Variants in FGGY observed in about 807,000 individuals in gnomAD.
FGGY encodes the protein FGGY carbohydrate kinase domain containing, also known as FGGY carbohydrate kinase domain-containing protein.
Under a neutral mutation model 71.3 loss-of-function variants are expected in FGGY, and 72 were observed. The observed-to-expected ratio is 1.01, with a 90% CI of 0.84 to 1.23. The LOEUF is 1.23. Among genes scored for constraint, FGGY ranks in the 50% most tolerant of loss-of-function variants. FGGY has a pLI of 0.00. For missense variants in FGGY, 668 were observed against 682.3 expected (o/e 0.98, Z 0.23); for synonymous variants, 251 against 250.3 (o/e 1.00, Z -0.02).
At chr1:59,471,991 G>C (rs995107983) in intron 6 of FGGY, among the ~76,000 whole-genome samples, 3 of 152,240 alleles carry the variant, frequency 2.0e-5, no homozygotes, top group Non-Finnish European at 4.4e-5. Context: ...GCCCTCGCTC[G>C]CTCTCCGCGC....
intron 14 of FGGY, among the ~76,000 whole-genome samples, chr1:59,705,021 A>G (rs1453403093): frequency 6.6e-6 from 1 of 152,196 alleles, no homozygotes; most frequent in Non-Finnish European, 1.5e-5. Context: ...CATTACTAGT[A>G]AGAATGAACA....
chr1:59,326,460 A>G (rs1439217199), intron 2 of FGGY, among the ~76,000 whole-genome samples: 1 of 152,138 alleles, frequency 6.6e-6, no homozygotes, highest in Non-Finnish European at 1.5e-5. Flanking sequence ...CTTCATTTTC[A>G]TTTGATTGCT....
At position 59,297,634 on chromosome 1, in the gene FGGY, A is replaced by G. The variant is rs567271950; in HGVS notation, c.-15+484A>G. On this transcript the variant is annotated intron_variant, in intron 1 of 15. Transcript: ENST00000303721. The stretch of plus-strand genomic sequence containing the variant: ...TCAGGAGATCGAGACCATCCAGGCT[A>G]ACACGGTGAAACCCCCGTCTCTACT... Among the ~76,000 whole-genome samples the G allele has an allele frequency of 1.6e-4, 25 of 152,088 alleles. No homozygotes were observed. In the South Asian group the frequency reaches 4.6e-3, roughly 28 times the overall value.
At chr1:59,468,861 G>C (rs984837267) in intron 6 of FGGY, among the ~76,000 whole-genome samples, 15 of 135,792 alleles carry the variant, frequency 1.1e-4, no homozygotes, top group Non-Finnish European at 2.1e-4. Context: ...CACTGAGCAA[G>C]ACTCTGTCTT....
intron 1 of FGGY, among the ~76,000 whole-genome samples, chr1:59,302,098 T>TC (rs1317525745): frequency 6.6e-6 from 1 of 152,110 alleles, no homozygotes; most frequent in African/African-American, 2.4e-5. Context: ...GGTTTTTTTT[T>TC]CCAATGTTAA....
At position 59,663,109 on chromosome 1, in the gene FGGY, G is replaced by A. The variant is rs116414163; in HGVS notation, c.1296+2816G>A. ...ATGACAGTTACCTTTCGTCAGACAC[G>A]ACTGTGTGCCAGGCACCAAAGACGG... On this transcript the variant is annotated intron_variant, in intron 12 of 15. Coordinates refer to ENST00000303721, the MANE Select transcript of FGGY (RefSeq NM_018291.5). 2.4e-3 allele frequency among the ~76,000 whole-genome samples: 363 copies of A among 152,306 alleles called. 1 individual carries two copies. Among genetic ancestry groups the A allele is most frequent in the African/African-American group, 7.8e-3 (325 of 41,568 alleles).
chr1:59,757,827 T>A lies in FGGY; in HGVS notation c.1513-104T>A, dbSNP rs147947647. ...GAAAAAAAAGAGGACTAACCAAATATCTTAAAGGGAAGCAAATTCAAATTA... is the reference window on the plus strand; with the variant it reads ...GAAAAAAAAGAGGACTAACCAAATAACTTAAAGGGAAGCAAATTCAAATTA... On this transcript the variant is annotated intron_variant, in intron 14 of 15. Coordinates refer to ENST00000303721, the MANE Select transcript of FGGY (RefSeq NM_018291.5). 233 of 738,796 alleles carry A rather than the reference T, an allele frequency of 3.2e-4. No individual in the cohort carries two copies. In the East Asian group the frequency reaches 6.0e-3, roughly 19 times the overall value. 45.8% of individuals were successfully genotyped at this position (738,796 alleles called of 1,614,324 possible). A position where few individuals can be genotyped will look rare whatever the true frequency, so the allele number is the denominator to read the frequency against.
intron 7 of FGGY, among the ~76,000 whole-genome samples, chr1:59,531,236 A>G (rs2095134636): frequency 6.6e-6 from 1 of 152,156 alleles, no homozygotes. Context: ...ACTTTTTTAT[A>G]TAGGTGTGAA....
intron 13 of FGGY, chr1:59,673,533 GA>G (rs2097402066): frequency 6.5e-6 from 1 of 154,680 alleles, no homozygotes; most frequent in Non-Finnish European, 1.4e-5. Context: ...TGAGAGAGGG[GA>G]GAAGCCCCTG....
intron 14 of FGGY, among the ~76,000 whole-genome samples, chr1:59,726,572 G>A (rs1342753929): frequency 6.6e-6 from 1 of 152,024 alleles, no homozygotes; most frequent in Non-Finnish European, 1.5e-5. Context: ...TTTGGTTTTT[G>A]GAAGGTAATT....
chr1:59,750,154 C>G (rs1281869546), intron 14 of FGGY, among the ~76,000 whole-genome samples: 1 of 152,086 alleles, frequency 6.6e-6, no homozygotes, highest in Non-Finnish European at 1.5e-5. Context: ...AACCCCAAGC[C>G]CATTTATCTC....
intron 8 of FGGY, among the ~76,000 whole-genome samples, chr1:59,594,702 G>A (rs1004487740): frequency 6.6e-6 from 1 of 152,234 alleles, no homozygotes; most frequent in African/African-American, 2.4e-5. Context: ...TGCCCTGCAG[G>A]TGAGAGCCAA....
At chr1:59,536,298 A>G (rs898953880) in intron 7 of FGGY, among the ~76,000 whole-genome samples, 3 of 152,208 alleles carry the variant, frequency 2.0e-5, no homozygotes, top group African/African-American at 4.8e-5. Flanking sequence ...GAATCTCTGA[A>G]TAGACCAATA....
At chr1:59,365,599 G>A (rs1189756472) in intron 4 of FGGY, among the ~76,000 whole-genome samples, 1 of 152,188 alleles carries the variant, frequency 6.6e-6, no homozygotes, top group Non-Finnish European at 1.5e-5. Flanking sequence ...ATTGGGCTGG[G>A]CATTAGCGAT....
intron 14 of FGGY, among the ~76,000 whole-genome samples, chr1:59,718,939 C>T (rs978146645): frequency 2.0e-5 from 3 of 152,224 alleles, no homozygotes; most frequent in Non-Finnish European, 2.9e-5. Flanking sequence ...GCACCCAGGA[C>T]CACTTCACCA....
intron 1 of FGGY, among the ~76,000 whole-genome samples, chr1:59,306,662 A>T (rs1397850414): frequency 6.6e-6 from 1 of 152,196 alleles, no homozygotes. Flanking sequence ...GCTCAAACCC[A>T]ACTAGAAGAC....
intron 8 of FGGY, among the ~76,000 whole-genome samples, chr1:59,575,457 G>A (rs2096061889): frequency 6.6e-6 from 1 of 152,124 alleles, no homozygotes; most frequent in South Asian, 2.1e-4. Flanking sequence ...TTTTAAGACT[G>A]AATAGTATTT....
intron 6 of FGGY, among the ~76,000 whole-genome samples, chr1:59,503,348 T>C (rs1398063906): frequency 6.6e-6 from 1 of 152,034 alleles, no homozygotes; most frequent in Admixed American, 6.5e-5. Flanking sequence ...ATAATATTTA[T>C]TGTGTTAAAA....
intron 7 of FGGY, among the ~76,000 whole-genome samples, chr1:59,536,990 TG>T (rs1423532180): frequency 6.6e-6 from 1 of 152,046 alleles, no homozygotes; most frequent in East Asian, 1.9e-4. Context: ...TTGGAAGTTC[TG>T]GCCAGGGCAA....
Sources: gnomAD v4.1 joint callset for allele counts (sites outside exome capture counted in the v4.1 genomes callset) on GRCh38, gnomAD v4.1.1 for gene constraint, MANE v1.5 for transcripts, NCBI Gene and HGNC (gene_info 2026-07-23, HGNC 2026-07-21) for gene names.